The following RFX3 variants were observed in gnomAD, a reference collection of about 807,000 sequenced individuals.
RFX3 encodes regulatory factor X3, also known as transcription factor RFX3.
Under a neutral mutation model 98.6 loss-of-function variants are expected in RFX3, and 14 were observed. The observed-to-expected ratio is 0.14, with a 90% CI of 0.09 to 0.22. The LOEUF (loss-of-function observed/expected upper bound fraction) is 0.22, where lower values mean the gene tolerates loss of function less well. RFX3 is among the 10% of genes least tolerant of loss of function. The pLI is 1.00. For missense variants in RFX3, 639 were observed against 926.9 expected (o/e 0.69, Z 4.03); for synonymous variants, 383 against 328.4 (o/e 1.17, Z -1.80).
Position 3,391,902 on chromosome 9 carries a change from G to C in RFX3, c.117+3570C>G, listed in dbSNP as rs373054113. Among the ~76,000 whole-genome samples, 6 of 152,124 alleles carry C rather than the reference G, an allele frequency of 3.9e-5. No homozygotes were observed. The South Asian group carries it at 6.2e-4, about 16-fold the overall frequency. ...TTCTTTGGCTTAATCTCTTCATTGAGGAATACCAAGCATGGGTAATACCAC... is the reference window on the plus strand; with the variant it reads ...TTCTTTGGCTTAATCTCTTCATTGACGAATACCAAGCATGGGTAATACCAC... On this transcript the variant is annotated intron_variant, in intron 2 of 16. Coordinates refer to ENST00000617270, the MANE Select transcript of RFX3 (RefSeq NM_001282116.2).
At chr9:3,476,630 T>C (rs1254533956) in intron 1 of RFX3, among the ~76,000 whole-genome samples, 1 of 152,178 alleles carries the variant, frequency 6.6e-6, no homozygotes, top group Non-Finnish European at 1.5e-5. Context: ...GAGAACCATA[T>C]CTGTAAAACT....
At chr9:3,412,325 A>C (rs983491049) in intron 1 of RFX3, among the ~76,000 whole-genome samples, 3 of 152,182 alleles carry the variant, frequency 2.0e-5, no homozygotes, top group Non-Finnish European at 4.4e-5. Context: ...ATCTGTTTGA[A>C]TATCCATAAT....
At chr9:3,357,872 A>G (rs1835961058) in intron 2 of RFX3, among the ~76,000 whole-genome samples, 1 of 152,042 alleles carries the variant, frequency 6.6e-6, no homozygotes, top group Non-Finnish European at 1.5e-5. Flanking sequence ...GAACAACTAT[A>G]ATATATATTT....
chr9:3,449,807 G>A (rs1388430115), intron 1 of RFX3, among the ~76,000 whole-genome samples: 1 of 151,028 alleles, frequency 6.6e-6, no homozygotes, highest in South Asian at 2.1e-4. Flanking sequence ...TACTGAGGCT[G>A]CAGTGAGCTA....
At chr9:3,451,714 G>A (rs747175447) in intron 1 of RFX3, among the ~76,000 whole-genome samples, 2 of 152,016 alleles carry the variant, frequency 1.3e-5, no homozygotes, top group African/African-American at 4.8e-5. Flanking sequence ...CCTGATAGTG[G>A]ATAAACCTAT....
chr9:3,293,862 G>A (rs1318105206), intron 5 of RFX3, among the ~76,000 whole-genome samples: 1 of 152,044 alleles, frequency 6.6e-6, no homozygotes, highest in Non-Finnish European at 1.5e-5. Flanking sequence ...AAACTGACAA[G>A]ACATTGGCAA....
chr9:3,311,713 C>A (rs899295879), intron 4 of RFX3, among the ~76,000 whole-genome samples: 3 of 151,204 alleles, frequency 2.0e-5, no homozygotes, highest in African/African-American at 7.4e-5. Context: ...GGCAAAACCT[C>A]ATCTCTACTA....
At chr9:3,268,606 C>T (rs1283313435) in intron 11 of RFX3, among the ~76,000 whole-genome samples, 1 of 151,814 alleles carries the variant, frequency 6.6e-6, no homozygotes, top group Non-Finnish European at 1.5e-5. Flanking sequence ...AGAGAGACTA[C>T]AAAACTATTC....
At chr9:3,240,447 A>T (rs575349876) in intron 15 of RFX3, among the ~76,000 whole-genome samples, 1 of 152,184 alleles carries the variant, frequency 6.6e-6, no homozygotes, top group Non-Finnish European at 1.5e-5. Context: ...TCAGAGGACT[A>T]TATCTTAATT....
chr9:3,229,693 AC>A (rs1217129242), intron 15 of RFX3, among the ~76,000 whole-genome samples: 1 of 152,228 alleles, frequency 6.6e-6, no homozygotes, highest in African/African-American at 2.4e-5. Flanking sequence ...CAAAGCATCT[AC>A]TTTTAAAACA....
chr9:3,245,169 A>C (rs1820495308), intron 15 of RFX3, among the ~76,000 whole-genome samples: 1 of 152,230 alleles, frequency 6.6e-6, no homozygotes, highest in African/African-American at 2.4e-5. Flanking sequence ...AAAAGTACAT[A>C]TCAGAAAGAC....
rs184467329 is a variant in RFX3, at chr9:3,477,952, A to C, written c.-9+47795T>G. On this transcript the variant is annotated intron_variant, in intron 1 of 16. Transcript: ENST00000617270. The stretch of plus-strand genomic sequence containing the variant: ...GCTCCTCTAGTGAATTTTTCATTTC[A>C]GTTATTATACTTTTAAGCTCCAGAA... Among the ~76,000 whole-genome samples the C allele has an allele frequency of 3.0e-3, 456 of 152,092 alleles. 3 individuals are homozygous for C. Among genetic ancestry groups the C allele is most frequent in the African/African-American group, 0.011 (441 of 41,496 alleles).
chr9:3,427,688 A>T (rs2132475580), intron 1 of RFX3, among the ~76,000 whole-genome samples: 2 of 148,968 alleles, frequency 1.3e-5, no homozygotes, highest in Middle Eastern at 3.5e-3. Context: ...CTTTTGGCAG[A>T]ATTAAACTTG....
At chr9:3,404,326 A>G (rs375371410) in intron 1 of RFX3, among the ~76,000 whole-genome samples, 3 of 152,168 alleles carry the variant, frequency 2.0e-5, no homozygotes, top group African/African-American at 7.2e-5. Context: ...ACTTGGCCAA[A>G]GGAGAAAAAT....
chr9:3,441,384 A>C (rs1289777722), intron 1 of RFX3, among the ~76,000 whole-genome samples: 1 of 152,068 alleles, frequency 6.6e-6, no homozygotes, highest in East Asian at 1.9e-4. Flanking sequence ...TGCCAAGCAA[A>C]CCTAGACACA....
intron 2 of RFX3, among the ~76,000 whole-genome samples, chr9:3,350,600 A>G (rs887934758): frequency 2.0e-5 from 3 of 152,168 alleles, no homozygotes; most frequent in African/African-American, 4.8e-5. Context: ...CGTATACACA[A>G]AAACAGGCAA....
chr9:3,305,666 C>T (rs1236648976), intron 4 of RFX3, among the ~76,000 whole-genome samples: 1 of 151,870 alleles, frequency 6.6e-6, no homozygotes, highest in Non-Finnish European at 1.5e-5. Context: ...ACGAATTAGC[C>T]CATGATTTGG....
intron 1 of RFX3, among the ~76,000 whole-genome samples, chr9:3,418,762 G>C (rs10117846): frequency 0.15 from 22,347 of 152,142 alleles, 2,041 homozygotes; most frequent in African/African-American, 0.25. Context: ...TATCATCATA[G>C]AAAAATAAGT....
intron 1 of RFX3, among the ~76,000 whole-genome samples, chr9:3,451,271 CACAGGG>C (rs1225515881): frequency 6.6e-6 from 1 of 152,122 alleles, no homozygotes; most frequent in Admixed American, 6.5e-5. Context: ...TGAGGCTGGG[CACAGGG>C]ACTCACACCT....
Sources: gnomAD v4.1 joint callset for allele counts (sites outside exome capture counted in the v4.1 genomes callset) on GRCh38, gnomAD v4.1.1 for gene constraint, MANE v1.5 for transcripts, NCBI Gene and HGNC (gene_info 2026-07-23, HGNC 2026-07-21) for gene names.